SCN10A: variants seen among roughly 807,000 people sequenced by gnomAD.
SCN10A encodes the protein sodium channel protein type 10 subunit alpha.
SCN10A carries 162 observed loss-of-function variants against 170.7 expected under a neutral mutation model. That is an observed-to-expected ratio of 0.95 (90% CI 0.84 to 1.08). SCN10A has a LOEUF of 1.08. Among genes scored for constraint, SCN10A ranks in the 50% least tolerant of loss-of-function variants. The pLI, the probability that SCN10A is intolerant of heterozygous loss-of-function variation, is 0.00. For synonymous variants in SCN10A, 985 were observed against 904.6 expected, an observed-to-expected ratio of 1.09 and a Z score of -1.59; for missense variants, 2,527 against 2,436.9, an observed-to-expected ratio of 1.04 and a Z score of -0.78.
At chr3:38,783,253 C>A (rs557031273) in intron 4 of SCN10A, among the ~76,000 whole-genome samples, 3 of 152,144 alleles carry the variant, frequency 2.0e-5, no homozygotes, top group Admixed American at 6.6e-5. Context: ...ACTACCCATG[C>A]CATAAAATGG....
Position 38,697,640 on chromosome 3 carries a change from C to G in SCN10A, c.5580G>C (p.Lys1860Asn). ...GGTGCAGCACATAGCTCCGATAGGC[C>G]TTTTGAATGACAGTGGCTGAAATGT... ...QEDISATVIQKAYRSYVLHRS... is the reference protein window; with the variant it reads ...QEDISATVIQNAYRSYVLHRS... Residue 1860 changes from lysine (K) to asparagine (N), a missense_variant, in exon 28 of 28, where the codon AAG becomes AAC. Lys to Asn is a moderately conservative substitution (Grantham distance 94). Transcript: ENST00000449082. The G allele has an allele frequency of 1.2e-6, 2 of 1,614,180 alleles. No homozygotes were observed. The highest frequency in any genetic ancestry group is 2.2e-5 in the South Asian group (2 of 91,082).
intron 6 of SCN10A, among the ~76,000 whole-genome samples, chr3:38,761,841 A>T (rs113939511): frequency 0.063 from 5,296 of 83,580 alleles, 220 homozygotes; most frequent in African/African-American, 0.2. Context: ...TGTGTGTGAG[A>T]GAGAGAGAGA....
At chr3:38,755,441 A>G (rs2063792919) in intron 11 of SCN10A, among the ~76,000 whole-genome samples, 1 of 148,352 alleles carries the variant, frequency 6.7e-6, no homozygotes, top group South Asian at 2.2e-4. Context: ...CACCTTTCCT[A>G]CAAACCGGGG....
At chr3:38,769,277 T>C in intron 5 of SCN10A, among the ~76,000 whole-genome samples, 1 of 143,962 alleles carries the variant, frequency 6.9e-6, no homozygotes, top group Non-Finnish European at 1.5e-5. Flanking sequence ...TCACTCTTGT[T>C]GCCCAGGCTG....
At chr3:38,767,352 A>G (rs2063943722) in intron 5 of SCN10A, among the ~76,000 whole-genome samples, 1 of 151,476 alleles carries the variant, frequency 6.6e-6, no homozygotes, top group Non-Finnish European at 1.5e-5. Context: ...GTCCTCTTTC[A>G]TACTTTTTGA....
intron 1 of SCN10A, among the ~76,000 whole-genome samples, chr3:38,805,499 A>T (rs1263238695): frequency 1.3e-5 from 2 of 152,186 alleles, no homozygotes; most frequent in Non-Finnish European, 2.9e-5. Context: ...TGTCTCCAAG[A>T]TGTAAGCATT....
chr3:38,698,530 G>A lies in SCN10A; in HGVS notation c.4690C>T (p.Gln1564Ter). 1 of 1,613,354 alleles carries A rather than the reference G, an allele frequency of 6.2e-7. No homozygotes were observed. ...AAGAGCGTTGGGGAGAAGTAACTTT[G>A]AAGTGACTTAAGAATTGCAGAAAAA... is the stretch of plus-strand genomic sequence containing the variant. ...LIFSAILKSL[Q>*]SYFSPTLFRV... Residue 1564 changes from glutamine to a stop codon, truncating the protein, a stop_gained, in exon 28 of 28, where the codon CAA becomes TAA. Coordinates refer to ENST00000449082, the MANE Select transcript of SCN10A (RefSeq NM_006514.4). LOFTEE classifies it high-confidence loss of function.
chr3:38,766,828 A>G (rs2063938236), intron 5 of SCN10A, among the ~76,000 whole-genome samples: 2 of 152,080 alleles, frequency 1.3e-5, no homozygotes, highest in African/African-American at 4.8e-5. Flanking sequence ...TGAATGTCTG[A>G]TAGAATTCAG....
At chr3:38,795,247 C>T (rs1258109542) in intron 1 of SCN10A, among the ~76,000 whole-genome samples, 1 of 152,018 alleles carries the variant, frequency 6.6e-6, no homozygotes, top group Non-Finnish European at 1.5e-5. Flanking sequence ...TCCTATCTCA[C>T]TAAAATGCTT....
At chr3:38,727,272 G>A (rs186079267) in intron 16 of SCN10A, among the ~76,000 whole-genome samples, 77 of 152,332 alleles carry the variant, frequency 5.1e-4, no homozygotes, top group African/African-American at 1.7e-3. Context: ...AGGCTTGGAA[G>A]CATATTTTCC....
rs116317277 is a variant in SCN10A, at chr3:38,720,037, C to A, written c.3508-1211G>T. Among the ~76,000 whole-genome samples, 329 of 152,328 alleles carry A rather than the reference C, an allele frequency of 2.2e-3. 2 individuals carry two copies. The highest frequency in any genetic ancestry group is 7.7e-3 in the African/African-American group (321 of 41,562). On this transcript the variant is annotated intron_variant, in intron 20 of 27. Coordinates refer to ENST00000449082, the MANE Select transcript of SCN10A (RefSeq NM_006514.4). ...GTGACAGGGGGATTTACAAGGCTGTCTTCTTTGCCTCAAGGTGGGACAGCT... is the reference window on the plus strand; with the variant it reads ...GTGACAGGGGGATTTACAAGGCTGTATTCTTTGCCTCAAGGTGGGACAGCT...
chr3:38,762,227 G>T (rs1240253212), intron 6 of SCN10A, among the ~76,000 whole-genome samples: 1 of 152,210 alleles, frequency 6.6e-6, no homozygotes, highest in Non-Finnish European at 1.5e-5. Flanking sequence ...ACATGTGTCA[G>T]TCCCTGGACT....
chr3:38,801,992 T>C (rs540432971), intron 1 of SCN10A, among the ~76,000 whole-genome samples: 2 of 152,234 alleles, frequency 1.3e-5, no homozygotes, highest in African/African-American at 4.8e-5. Flanking sequence ...TCTTCCATGA[T>C]CTCATCATCT....
chr3:38,782,559 A>G (rs1426774342), intron 4 of SCN10A, among the ~76,000 whole-genome samples: 1 of 152,032 alleles, frequency 6.6e-6, no homozygotes, highest in Non-Finnish European at 1.5e-5. Context: ...TATGCATTCT[A>G]TCTTCCATAT....
intron 1 of SCN10A, among the ~76,000 whole-genome samples, chr3:38,814,223 TG>T (rs2064457788): frequency 6.6e-6 from 1 of 152,130 alleles, no homozygotes; most frequent in South Asian, 2.1e-4. Context: ...AGGGAGAGCC[TG>T]GTGGATGCAA....
rs74348091 is a variant in SCN10A at position 38,722,687 on chromosome 3, C to T, written c.3353-275G>A. ...GACACCAGTGGTCCCTGTCCTTCTG[C>T]CCACCTATACCTGGAAAACAGACAA... On this transcript the variant is annotated intron_variant, in intron 19 of 27. Coordinates refer to ENST00000449082, the MANE Select transcript of SCN10A (RefSeq NM_006514.4). Among the ~76,000 whole-genome samples the T allele has an allele frequency of 0.015, 2,351 of 152,232 alleles. 67 individuals carry two copies. Among genetic ancestry groups the T allele is most frequent in the Admixed American group, 0.064 (972 of 15,288 alleles).
At chr3:38,803,656 G>A (rs1423016766) in intron 1 of SCN10A, among the ~76,000 whole-genome samples, 1 of 135,684 alleles carries the variant, frequency 7.4e-6, no homozygotes, top group Admixed American at 7.5e-5. Context: ...TCGTGAGGTG[G>A]GGGGAGGGGG....
In SCN10A at chr3:38,723,557, C is replaced by T. The variant is rs747935767; in HGVS notation, c.3229-4G>A. The T allele has an allele frequency of 3.2e-6, 5 of 1,582,568 alleles. No homozygotes were observed. In the South Asian group the frequency reaches 5.7e-5, roughly 18 times the overall value. ...AGGAGCTTGTGTCGTCCACTCCCTG[C>T]AGGGGAGAAGCCCAGGGCAGTGAAC... On this transcript the variant is annotated splice_polypyrimidine_tract_variant and splice_region_variant and intron_variant, in intron 18 of 27. Coordinates refer to ENST00000449082, the MANE Select transcript of SCN10A (RefSeq NM_006514.4).
chr3:38,802,477 A>G (rs1301893254), intron 1 of SCN10A, among the ~76,000 whole-genome samples: 2 of 152,144 alleles, frequency 1.3e-5, no homozygotes, highest in Non-Finnish European at 2.9e-5. Context: ...CTCCCGTTTT[A>G]ACACATTGTA....
Sources: allele counts gnomAD v4.1 joint callset (sites outside exome capture counted in the v4.1 genomes callset), GRCh38; gene constraint gnomAD v4.1.1; transcripts MANE v1.5; gene names NCBI Gene and HGNC (gene_info 2026-07-23, HGNC 2026-07-21).